Variants in HDAC9 observed in about 807,000 individuals in gnomAD.
HDAC9 encodes the protein MEF-2 interacting transcription repressor (MITR) protein.
A neutral mutation model predicts 139.4 loss-of-function variants in HDAC9; 41 were observed. That is an observed-to-expected ratio of 0.29 (90% CI 0.23 to 0.38). The LOEUF is 0.38. Ranked by LOEUF, HDAC9 falls within the 10% of genes least tolerant of loss-of-function variation. HDAC9 has a pLI of 1.00. For synonymous variants in HDAC9, 517 were observed against 476.2 expected (o/e 1.09, Z -1.12); for missense variants, 1,147 against 1,297.0 (o/e 0.88, Z 1.78).
chr7:18,407,796 G>A (rs988654971), intron 1 of HDAC9, among the ~76,000 whole-genome samples: 11 of 152,106 alleles, frequency 7.2e-5, no homozygotes, highest in Non-Finnish European at 1.3e-4. Flanking sequence ...GCTATTCCCC[G>A]CAGTTAAAGG....
intron 2 of HDAC9, among the ~76,000 whole-genome samples, chr7:18,226,723 T>A (rs911121843): frequency 1.6e-4 from 25 of 152,296 alleles, no homozygotes; most frequent in African/African-American, 6.0e-4. Context: ...AAGAAAGATG[T>A]CTTAACACAT....
At chr7:18,238,608 A>G (rs1166166003) in intron 2 of HDAC9, among the ~76,000 whole-genome samples, 1 of 152,180 alleles carries the variant, frequency 6.6e-6, no homozygotes, top group Non-Finnish European at 1.5e-5. Flanking sequence ...TAGTACCACA[A>G]TTTTTAGATT....
chr7:18,153,501 C>G (rs1786938810), intron 1 of HDAC9, among the ~76,000 whole-genome samples: 1 of 152,138 alleles, frequency 6.6e-6, no homozygotes, highest in African/African-American at 2.4e-5. Context: ...CAAATGAAGA[C>G]TTGGCCCTCT....
At chr7:18,574,595 C>T (rs901730809) in intron 2 of HDAC9, among the ~76,000 whole-genome samples, 5 of 152,196 alleles carry the variant, frequency 3.3e-5, no homozygotes, top group African/African-American at 7.2e-5. Context: ...CGCCATCAGT[C>T]ATGTTGTTCA....
intron 24 of HDAC9, among the ~76,000 whole-genome samples, chr7:18,960,456 A>G (rs985003976): frequency 6.6e-6 from 1 of 152,064 alleles, no homozygotes; most frequent in African/African-American, 2.4e-5. Context: ...TTATATCTGT[A>G]GTTCTGGGAA....
At chr7:18,132,331 T>C in intron 1 of HDAC9, among the ~76,000 whole-genome samples, 1 of 152,308 alleles carries the variant, frequency 6.6e-6, no homozygotes, top group East Asian at 1.9e-4. Context: ...ATATGAAGAA[T>C]AATAGGTAAA....
intron 1 of HDAC9, among the ~76,000 whole-genome samples, chr7:18,294,933 G>A (rs1798046096): frequency 1.3e-5 from 2 of 152,036 alleles, no homozygotes; most frequent in African/African-American, 4.8e-5. Flanking sequence ...ATGTCATTGG[G>A]GAGCATCAAT....
chr7:18,361,676 A>G (rs926641875), intron 1 of HDAC9, among the ~76,000 whole-genome samples: 3 of 152,190 alleles, frequency 2.0e-5, no homozygotes, highest in African/African-American at 7.2e-5. Flanking sequence ...TGTTGAATAT[A>G]TGGTTAATTC....
intron 21 of HDAC9, among the ~76,000 whole-genome samples, chr7:18,838,064 C>G (rs1796353218): frequency 6.6e-6 from 1 of 152,030 alleles, no homozygotes; most frequent in Non-Finnish European, 1.5e-5. Context: ...ATTCATAAGA[C>G]TCCTGCCATT....
At chr7:18,314,575 C>T (rs1799517328) in intron 1 of HDAC9, among the ~76,000 whole-genome samples, 1 of 152,126 alleles carries the variant, frequency 6.6e-6, no homozygotes, top group Non-Finnish European at 1.5e-5. Context: ...TTTAGGAGGA[C>T]TGGATGCTAT....
intron 12 of HDAC9, among the ~76,000 whole-genome samples, chr7:18,700,442 G>C (rs1311812649): frequency 1.3e-5 from 2 of 152,170 alleles, no homozygotes; most frequent in Non-Finnish European, 2.9e-5. Flanking sequence ...TAGTTGGTCT[G>C]TTTATCAAGA....
intron 2 of HDAC9, among the ~76,000 whole-genome samples, chr7:18,251,819 T>C (rs148031069): frequency 4.6e-5 from 7 of 152,352 alleles, no homozygotes; most frequent in African/African-American, 1.4e-4. Context: ...TATATGCGTA[T>C]GTGGCTTACA....
At chr7:18,632,353 C>G (rs1305973266) in intron 7 of HDAC9, among the ~76,000 whole-genome samples, 1 of 152,034 alleles carries the variant, frequency 6.6e-6, no homozygotes, top group Non-Finnish European at 1.5e-5. Context: ...ACCTCACATT[C>G]TTTCCAGTGG....
chr7:18,606,249 TG>T (rs1835473058), intron 6 of HDAC9, among the ~76,000 whole-genome samples: 1 of 152,160 alleles, frequency 6.6e-6, no homozygotes, highest in African/African-American at 2.4e-5. Context: ...TTACTTGTGG[TG>T]AGGTTGGGAG....
chr7:18,640,597 T>C (rs1785286616), intron 8 of HDAC9, among the ~76,000 whole-genome samples: 2 of 151,900 alleles, frequency 1.3e-5, no homozygotes, highest in Admixed American at 1.3e-4. Flanking sequence ...CCTGGAGGCA[T>C]CATTCTCTCC....
chr7:18,796,849 G>A (rs1792848980), intron 17 of HDAC9, among the ~76,000 whole-genome samples: 2 of 152,210 alleles, frequency 1.3e-5, no homozygotes, highest in Admixed American at 1.3e-4. Context: ...TTAATATAAA[G>A]ATTCACTTTG....
chr7:18,417,492 C>G (rs1371502996), intron 1 of HDAC9, among the ~76,000 whole-genome samples: 1 of 152,074 alleles, frequency 6.6e-6, no homozygotes, highest in African/African-American at 2.4e-5. Context: ...TGAGTTTTAA[C>G]TTCTTGGGTG....
Position 18,179,307 on chromosome 7 carries a change from T to C in HDAC9, c.25+16958T>C, listed in dbSNP as rs186311468. 2.9e-3 allele frequency among the ~76,000 whole-genome samples: 446 copies of C among 152,350 alleles called. 1 individual carries two copies. Among genetic ancestry groups the C allele is most frequent in the Non-Finnish European group, 3.0e-3 (204 of 68,040 alleles). ...AATAATGCCATAACCCATTAGTTGA[T>C]TGCAAACTCTCTGAATCCATAGGGA... On this transcript the variant is annotated intron_variant, in intron 2 of 12. Coordinates refer to the HDAC9 transcript ENST00000417496.
At chr7:18,521,074 A>G (rs915528613) in intron 2 of HDAC9, among the ~76,000 whole-genome samples, 5 of 152,202 alleles carry the variant, frequency 3.3e-5, no homozygotes, top group Non-Finnish European at 7.4e-5. Context: ...TTGCCTAATT[A>G]TTTTAAGAAT....
Sources: gnomAD v4.1 joint callset for allele counts (sites outside exome capture counted in the v4.1 genomes callset) on GRCh38, gnomAD v4.1.1 for gene constraint, MANE v1.5 for transcripts, NCBI Gene and HGNC (gene_info 2026-07-23, HGNC 2026-07-21) for gene names.